The following FAM135A variants were observed in gnomAD, a reference collection of about 807,000 sequenced individuals.
FAM135A encodes family with sequence similarity 135 member A.
In FAM135A, 79 loss-of-function variants were observed where a neutral mutation model predicts 146.8. The ratio of observed to expected loss-of-function variants is 0.54; its 90% CI spans 0.45 to 0.65. The LOEUF is 0.65. Ranked by LOEUF, FAM135A falls within the 30% of genes least tolerant of loss-of-function variation. The pLI is 0.00. For missense variants in FAM135A, 1,623 were observed against 1,758.2 expected, an observed-to-expected ratio of 0.92 and a Z score of 1.38; for synonymous variants, 562 against 603.6, an observed-to-expected ratio of 0.93 and a Z score of 1.01.
At chr6:70,488,804 T>C (rs1785243458) in intron 10 of FAM135A, among the ~76,000 whole-genome samples, 3 of 152,184 alleles carry the variant, frequency 2.0e-5, no homozygotes, top group African/African-American at 7.2e-5. Context: ...AAAATATTTA[T>C]TGAAAAATAC....
chr6:70,450,170 A>T (rs1776713363), intron 4 of FAM135A, among the ~76,000 whole-genome samples: 1 of 152,100 alleles, frequency 6.6e-6, no homozygotes, highest in Non-Finnish European at 1.5e-5. Context: ...TCCTTATCAG[A>T]TGTATGGTTT....
intron 20 of FAM135A, among the ~76,000 whole-genome samples, chr6:70,549,798 A>G (rs1306097066): frequency 6.6e-6 from 1 of 152,130 alleles, no homozygotes; most frequent in Non-Finnish European, 1.5e-5. Context: ...TCTTCCTTTC[A>G]CAAAAGATAT....
chr6:70,502,606 A>G (rs1462651705), intron 11 of FAM135A, 30 bp from the exon 12 acceptor site: 1 of 1,592,228 alleles, frequency 6.3e-7, no homozygotes, highest in South Asian at 1.1e-5. Context: ...ATCTTGGGAA[A>G]TAGTGAAATT....
At chr6:70,552,066 TA>T in intron 20 of FAM135A, among the ~76,000 whole-genome samples, 1 of 152,172 alleles carries the variant, frequency 6.6e-6, no homozygotes, top group Non-Finnish European at 1.5e-5. Flanking sequence ...AAAGTATAGT[TA>T]AACAAGGTAT....
intron 20 of FAM135A, among the ~76,000 whole-genome samples, chr6:70,554,730 C>T (rs969856445): frequency 2.6e-5 from 4 of 152,088 alleles, no homozygotes; most frequent in Admixed American, 6.5e-5. Context: ...TGGGTTCAAG[C>T]GATTCTCCTG....
Position 70,525,542 on chromosome 6 carries a change from G to A in FAM135A, c.2458G>A (p.Gly820Arg). 1 of 1,612,506 alleles carries A rather than the reference G, an allele frequency of 6.2e-7. No homozygotes were observed. Among genetic ancestry groups the A allele is most frequent in the Non-Finnish European group, 8.5e-7 (1 of 1,179,408 alleles). Residue 820 changes from glycine to arginine, a missense_variant, in exon 15 of 22, where the codon GGA becomes AGA. Coordinates refer to ENST00000418814, the MANE Select transcript of FAM135A (RefSeq NM_001162529.3). Reference protein sequence around the residue: ...KPDYNVKFSLGNHCTESTSAI... With the variant: ...KPDYNVKFSLRNHCTESTSAI... ...TGATTATAATGTAAAATTTTCATTA[G>A]GAAATCATTGTACTGAGAGTACAAG...
chr6:70,523,836 T>G (rs1794127957), intron 13 of FAM135A, 131 bp from the exon 14 acceptor site: 1 of 776,102 alleles, frequency 1.3e-6, no homozygotes. Context: ...CAAGCAGCTC[T>G]CTCATAAGAA....
At chr6:70,529,258 G>T (rs1365283466) in intron 16 of FAM135A, among the ~76,000 whole-genome samples, 1 of 151,586 alleles carries the variant, frequency 6.6e-6, no homozygotes, top group African/African-American at 2.4e-5. Context: ...CAGCTGTTTT[G>T]GTTACTCAAC....
At chr6:70,441,152 G>A (rs1032263136) in intron 4 of FAM135A, among the ~76,000 whole-genome samples, 2 of 152,086 alleles carry the variant, frequency 1.3e-5, no homozygotes, top group African/African-American at 4.8e-5. Context: ...CCAGCACTTT[G>A]GGAGGTCAAG....
chr6:70,423,804 C>G (rs1226376137), intron 2 of FAM135A, among the ~76,000 whole-genome samples: 2 of 152,148 alleles, frequency 1.3e-5, no homozygotes, highest in African/African-American at 4.8e-5. Context: ...TATATTTCTT[C>G]CTCAAGGGAG....
At chr6:70,495,149 T>A (rs76209285) in intron 11 of FAM135A, among the ~76,000 whole-genome samples, 3,832 of 152,336 alleles carry the variant, frequency 0.025, 162 homozygotes, top group African/African-American at 0.088. Context: ...TCGATGAATA[T>A]TTATTCATTA....
At chr6:70,555,634 T>C (rs1332616252) in intron 20 of FAM135A, among the ~76,000 whole-genome samples, 1 of 152,164 alleles carries the variant, frequency 6.6e-6, no homozygotes, top group Non-Finnish European at 1.5e-5. Context: ...AATGTATGAA[T>C]ACCTGTGCTC....
At chr6:70,440,199 C>G (rs1280462737) in intron 4 of FAM135A, among the ~76,000 whole-genome samples, 2 of 152,166 alleles carry the variant, frequency 1.3e-5, no homozygotes, top group African/African-American at 4.8e-5. Context: ...GACGAATCCT[C>G]AAGTGATGCT....
At chr6:70,556,991 T>C (rs1029192153) in intron 21 of FAM135A, 128 bp downstream of exon 21, 26 of 681,022 alleles carry the variant, frequency 3.8e-5, no homozygotes, top group Admixed American at 6.7e-5. Context: ...CACCCACTTA[T>C]ATTAACAGCT....
intron 5 of FAM135A, among the ~76,000 whole-genome samples, chr6:70,454,908 T>C (rs1377372283): frequency 2.6e-5 from 4 of 152,202 alleles, no homozygotes; most frequent in Admixed American, 6.5e-5. Flanking sequence ...GTCTTGGCAA[T>C]GCAGGCTCTT....
rs754173240 is a variant in FAM135A, at chr6:70,525,554, A to G, written c.2470A>G (p.Thr824Ala). Reference sequence around the variant, plus strand: ...AAAATTTTCATTAGGAAATCATTGTACTGAGAGTACAAGTGCTATAAGTGA... The same window carrying G: ...AAAATTTTCATTAGGAAATCATTGTGCTGAGAGTACAAGTGCTATAAGTGA... ...NVKFSLGNHC[T>A]ESTSAISEIQ... The change falls in exon 15 of 22, where the codon ACT (threonine) becomes GCT (alanine). Residue 824 changes from threonine to alanine, a missense_variant. Physicochemically the swap from Thr to Ala is moderately conservative, Grantham distance 58. Around this residue, in one of 7 missense-constraint regions of FAM135A, gnomAD observed 1,061 missense variants for 1,113.8 expected, o/e 0.95. Transcript: ENST00000418814. 3.7e-6 allele frequency: 6 copies of G among 1,613,302 alleles called. No homozygotes were observed. The Admixed American group carries it at 6.7e-5, about 18-fold the overall frequency.
At chr6:70,527,851 T>C (rs1401442559) in intron 15 of FAM135A, among the ~76,000 whole-genome samples, 1 of 152,144 alleles carries the variant, frequency 6.6e-6, no homozygotes, top group East Asian at 1.9e-4. Flanking sequence ...CCATTCTCAC[T>C]GTTACATTTT....
intron 1 of FAM135A, chr6:70,414,119 G>GT: frequency 2.3e-6 from 2 of 876,466 alleles, no homozygotes; most frequent in Non-Finnish European, 2.7e-6. Context: ...TTTTGCCCGG[G>GT]TGGTCCCTCC....
chr6:70,531,369 C>G (rs939837362), intron 16 of FAM135A, among the ~76,000 whole-genome samples: 1 of 152,268 alleles, frequency 6.6e-6, no homozygotes, highest in South Asian at 2.1e-4. Context: ...ACTGGTAAAG[C>G]CATGTTTCAT....
Sources: allele counts gnomAD v4.1 joint callset (sites outside exome capture counted in the v4.1 genomes callset), GRCh38; gene constraint gnomAD v4.1.1; regional missense constraint gnomAD v4.1.1; transcripts MANE v1.5; gene names NCBI Gene and HGNC (gene_info 2026-07-23, HGNC 2026-07-21).